FAT3: variants seen among roughly 807,000 people sequenced by gnomAD.
The protein encoded by FAT3 is protocadherin Fat 3.
FAT3 carries 95 observed loss-of-function variants against 310.2 expected under a neutral mutation model. The ratio of observed to expected loss-of-function variants is 0.31; its 90% CI spans 0.26 to 0.36. The LOEUF is 0.36. Among genes scored for constraint, FAT3 ranks in the 10% least tolerant of loss-of-function variants. The pLI is 1.00. For missense variants in FAT3, 5,408 were observed against 5,715.6 expected, an observed-to-expected ratio of 0.95 and a Z score of 1.74; for synonymous variants, 2,314 against 2,192.9, an observed-to-expected ratio of 1.06 and a Z score of -1.54.
At chr11:92,622,261 G>A (rs1941121680) in intron 3 of FAT3, among the ~76,000 whole-genome samples, 1 of 146,728 alleles carries the variant, frequency 6.8e-6, no homozygotes, top group African/African-American at 2.5e-5. Context: ...TCCAGCATAG[G>A]CAAGAGCAAG....
At chr11:92,749,773 T>C (rs537584963) in intron 4 of FAT3, among the ~76,000 whole-genome samples, 117 of 152,282 alleles carry the variant, frequency 7.7e-4, no homozygotes, top group South Asian at 4.6e-3. Flanking sequence ...TAGATAAGCA[T>C]CTTTACTACA....
At chr11:92,396,235 A>G (rs559671436) in intron 2 of FAT3, among the ~76,000 whole-genome samples, 2 of 152,356 alleles carry the variant, frequency 1.3e-5, no homozygotes, top group South Asian at 4.1e-4. Context: ...GATGAATATG[A>G]TCATGAATCT....
chr11:92,670,360 A>C (rs1943089332), intron 3 of FAT3, among the ~76,000 whole-genome samples: 1 of 152,188 alleles, frequency 6.6e-6, no homozygotes, highest in African/African-American at 2.4e-5. Flanking sequence ...TCAGCACAAA[A>C]CTAGAGCCTA....
At chr11:92,346,487 C>G (rs1948424976) in intron 1 of FAT3, among the ~76,000 whole-genome samples, 1 of 152,170 alleles carries the variant, frequency 6.6e-6, no homozygotes, top group Non-Finnish European at 1.5e-5. Context: ...AGTTTGTGAT[C>G]TGTGAAAGGG....
Position 92,794,741 on chromosome 11 carries a change from C to CA in FAT3, c.4822+1772dup, listed in dbSNP as rs367554348. 5.3e-5 allele frequency among the ~76,000 whole-genome samples: 8 copies of CA among 151,600 alleles called. No individual in the cohort carries two copies. The East Asian group carries it at 5.8e-4, about 11-fold the overall frequency. ...AAAACCATGGGAACAATTGATATCG[C>CA]AAAAAAAATGACCTTTGATTGTATG... On this transcript the variant is annotated intron_variant, in intron 9 of 27. Transcript: ENST00000525166.
intron 6 of FAT3, chr11:92,766,576 G>T (rs1267463195): frequency 6.6e-6 from 1 of 152,218 alleles, no homozygotes; most frequent in Non-Finnish European, 1.5e-5. Context: ...TGTTTTCTAC[G>T]TGTTTCATTT....
intron 2 of FAT3, among the ~76,000 whole-genome samples, chr11:92,466,462 G>C (rs982961653): frequency 1.3e-5 from 2 of 151,960 alleles, no homozygotes; most frequent in Non-Finnish European, 2.9e-5. Flanking sequence ...TCGAAGCCAT[G>C]CTTCAAATCT....
chr11:92,435,249 C>T (rs1400925817), intron 2 of FAT3, among the ~76,000 whole-genome samples: 1 of 152,250 alleles, frequency 6.6e-6, no homozygotes, highest in Non-Finnish European at 1.5e-5. Context: ...AACTCACATT[C>T]AGGGATGTCT....
chr11:92,257,884 T>G lies in FAT3; in HGVS notation c.-18+32710T>G, dbSNP rs565626817. 9.2e-5 allele frequency among the ~76,000 whole-genome samples: 14 copies of G among 152,264 alleles called. No homozygotes were observed. The South Asian group carries it at 2.5e-3, about 27-fold the overall frequency. On this transcript the variant is annotated intron_variant, in intron 1 of 27. Transcript: ENST00000525166. ...TTGTTGAGTGGCTTAGAGGTTTGCA[T>G]ACCAGAGTTTCCTGGTCAAAAGCGT...
In FAT3 at chr11:92,622,545, G is replaced by T. The variant is rs148562623; in HGVS notation, c.3608-74839G>T. On this transcript the variant is annotated intron_variant, in intron 3 of 27. Coordinates refer to ENST00000525166, the MANE Select transcript of FAT3 (RefSeq NM_001367949.2). ...CCATCATTGCTGCTTCCTCAGCCTT[G>T]ACTTCTGGGGAGCATCTGAGGTTTT... 6.1e-4 allele frequency among the ~76,000 whole-genome samples: 93 copies of T among 152,226 alleles called. No homozygotes were observed. In the East Asian group the frequency reaches 0.018, roughly 29 times the overall value.
intron 3 of FAT3, among the ~76,000 whole-genome samples, chr11:92,579,184 A>T (rs1249876413): frequency 6.6e-6 from 1 of 152,156 alleles, no homozygotes; most frequent in African/African-American, 2.4e-5. Context: ...AATATTTGGG[A>T]AAGTCCAGGA....
intron 4 of FAT3, among the ~76,000 whole-genome samples, chr11:92,723,675 G>A (rs1944924253): frequency 6.6e-6 from 1 of 152,200 alleles, no homozygotes; most frequent in Non-Finnish European, 1.5e-5. Flanking sequence ...GTTTCACGTG[G>A]CTGGGGAGGC....
At chr11:92,836,825 G>C in intron 16 of FAT3, 122 bp downstream of exon 16, 1 of 1,155,590 alleles carries the variant, frequency 8.7e-7, no homozygotes, top group South Asian at 1.7e-5. Context: ...AGTAAATAAG[G>C]ATGGGCTAAA....
intron 2 of FAT3, among the ~76,000 whole-genome samples, chr11:92,360,271 A>T (rs1301626659): frequency 6.6e-6 from 1 of 152,212 alleles, no homozygotes; most frequent in Non-Finnish European, 1.5e-5. Context: ...CTTCAAAGAG[A>T]ATGTTCTTGA....
Position 92,350,334 on chromosome 11 carries a change from T to C in FAT3, c.-17-1762T>C, listed in dbSNP as rs997242158. On this transcript the variant is annotated intron_variant, in intron 1 of 27. Transcript: ENST00000525166. Reference sequence around the variant, plus strand: ...AACCATACAATTTGTAATATTTTAATATGTTAAACTCCTGTAGGGATTTTT... The same window carrying C: ...AACCATACAATTTGTAATATTTTAACATGTTAAACTCCTGTAGGGATTTTT... Among the ~76,000 whole-genome samples, 4 of 149,906 alleles carry C rather than the reference T, an allele frequency of 2.7e-5. No individual in the cohort carries two copies. The South Asian group carries it at 8.4e-4, about 31-fold the overall frequency.
chr11:92,814,458 AC>A (rs1565619584), intron 13 of FAT3, among the ~76,000 whole-genome samples: 2 of 152,164 alleles, frequency 1.3e-5, no homozygotes. Flanking sequence ...ATAATTTTAC[AC>A]CTATTTTATG....
chr11:92,737,808 G>A (rs1272064768), intron 4 of FAT3, among the ~76,000 whole-genome samples: 1 of 151,918 alleles, frequency 6.6e-6, no homozygotes. Context: ...GATCCCAGGA[G>A]CCATACAGTG....
intron 3 of FAT3, among the ~76,000 whole-genome samples, chr11:92,631,781 G>A (rs1941569174): frequency 6.6e-6 from 1 of 152,006 alleles, no homozygotes; most frequent in Admixed American, 6.6e-5. Flanking sequence ...TTTTTCCTCA[G>A]TAAACCAGAG....
At chr11:92,326,829 C>T (rs185270691) in intron 1 of FAT3, among the ~76,000 whole-genome samples, 11 of 152,162 alleles carry the variant, frequency 7.2e-5, no homozygotes, top group Non-Finnish European at 1.6e-4. Flanking sequence ...GAAATAGGGA[C>T]CTATATTGAC....
Sources: gnomAD v4.1 joint callset for allele counts (sites outside exome capture counted in the v4.1 genomes callset) on GRCh38, gnomAD v4.1.1 for gene constraint, MANE v1.5 for transcripts, NCBI Gene and HGNC (gene_info 2026-07-23, HGNC 2026-07-21) for gene names.